ZNF738: variants seen among roughly 807,000 people sequenced by gnomAD.
ZNF738 encodes the protein zinc finger protein 738, also known as protein ZNF738.
ZNF738 carries 10 observed loss-of-function variants against 9.2 expected under a neutral mutation model. That is an observed-to-expected ratio of 1.09 (90% confidence interval 0.67 to 1.85). The LOEUF (loss-of-function observed/expected upper bound fraction) is 1.85, where lower values mean the gene tolerates loss of function less well. Ranked by LOEUF, ZNF738 falls within the 40% of genes most tolerant of loss-of-function variation. The probability of loss-of-function intolerance (pLI) is 0.00; values close to 1 mark genes in which losing one functional copy is unlikely to be tolerated. For synonymous variants in ZNF738, 113 were observed against 94.5 expected (o/e 1.20, Z -1.14); for missense variants, 346 against 283.6 (o/e 1.22, Z -1.58).
At chr19:21,361,533 ATC>A (rs1266516742) in intron 1 of ZNF738, among the ~76,000 whole-genome samples, 1 of 152,196 alleles carries the variant, frequency 6.6e-6, no homozygotes, top group African/African-American at 2.4e-5. Context: ...GTTGCAAAAA[ATC>A]TCTGTGTGTC....
chr19:21,381,487 A>T, intron 4 of ZNF738: 1 of 1,105,760 alleles, frequency 9.0e-7, no homozygotes, highest in Non-Finnish European at 1.4e-6. Flanking sequence ...GCTCAGGCTT[A>T]CCTTTTTCTT....
chr19:21,372,822 C>T (rs1464088041), intron 2 of ZNF738: 1 of 152,206 alleles, frequency 6.6e-6, no homozygotes, highest in Non-Finnish European at 1.5e-5. Flanking sequence ...GCTTAATAAA[C>T]ATTGCATTAG....
At chr19:21,373,991 C>G (rs1406436118) in intron 2 of ZNF738, among the ~76,000 whole-genome samples, 5 of 152,260 alleles carry the variant, frequency 3.3e-5, no homozygotes, top group African/African-American at 7.2e-5. Context: ...TCTACACTCT[C>G]TAAATCATGG....
intron 2 of ZNF738, among the ~76,000 whole-genome samples, chr19:21,369,098 T>G (rs1482289824): frequency 1.3e-5 from 2 of 152,078 alleles, no homozygotes; most frequent in Non-Finnish European, 2.9e-5. Context: ...TTTATTTTGA[T>G]TAAATCTTTA....
intron 4 of ZNF738, chr19:21,378,669 C>A: frequency 2.7e-6 from 1 of 371,344 alleles, no homozygotes; most frequent in Non-Finnish European, 5.6e-6. Flanking sequence ...AGTGAAATGG[C>A]GCGATTTCAC....
At position 21,375,507 on chromosome 19, in the gene ZNF738, T is replaced by C. The variant is rs540830314; in HGVS notation, c.223+143T>C. On this transcript the variant is annotated intron_variant, in intron 3 of 4. Coordinates refer to ENST00000683779, the MANE Select transcript of ZNF738 (RefSeq NM_001355237.2). ...TCAAAAAATTGCGAGGAATTATCCA[T>C]GCAGAAAAAAATTTCCTCAAGATGT... The C allele has an allele frequency of 6.0e-4, 319 of 528,966 alleles. 3 individuals carry two copies. In the South Asian group the frequency reaches 8.9e-3, roughly 15 times the overall value. The allele number at this position is 528,966 out of a possible 1,614,324, so 32.8% of individuals were successfully genotyped here.
chr19:21,378,888 C>G (rs950792921), intron 4 of ZNF738: 1 of 153,816 alleles, frequency 6.5e-6, no homozygotes. Flanking sequence ...CTTGAGCTAC[C>G]GCGCCCAGCC....
At position 21,383,300 on chromosome 19, in the gene ZNF738, A is replaced by G. The variant is rs1974028114; in HGVS notation, c.754A>G (p.Arg252Gly). Residue 252 changes from arginine (R) to glycine (G), a missense_variant, in exon 5 of 5, where the codon AGA becomes GGA. Coordinates refer to ENST00000683779, the MANE Select transcript of ZNF738 (RefSeq NM_001355237.2). ...KWFSTLTRHK[R>G]IHTGDKSYKH... Reference sequence around the variant, plus strand: ...GTTCTCAACCCTTACTAGACACAAGAGAATTCATACTGGAGACAAATCCTA... The same window carrying G: ...GTTCTCAACCCTTACTAGACACAAGGGAATTCATACTGGAGACAAATCCTA... 6.5e-7 allele frequency: 1 copy of G among 1,538,882 alleles called. No individual in the cohort carries two copies. Among genetic ancestry groups the G allele is most frequent in the East Asian group, 2.3e-5 (1 of 44,090 alleles).
intron 2 of ZNF738, among the ~76,000 whole-genome samples, chr19:21,364,316 A>C (rs1373093549): frequency 6.6e-6 from 1 of 152,048 alleles, no homozygotes; most frequent in African/African-American, 2.4e-5. Context: ...AGCCTACAAG[A>C]TTAGAAAGAA....
chr19:21,381,109 C>G (rs1490057548), intron 4 of ZNF738: 1 of 703,402 alleles, frequency 1.4e-6, no homozygotes, highest in African/African-American at 1.8e-5. Flanking sequence ...ACTTTATTTT[C>G]CTTACAAGGC....
At chr19:21,364,221 G>C (rs4315457) in intron 2 of ZNF738, among the ~76,000 whole-genome samples, 79,555 of 128,418 alleles carry the variant, frequency 0.62, 23,347 homozygotes, top group Middle Eastern at 0.77. Flanking sequence ...AATTCAAAAA[G>C]AGCATTGCAA....
At position 21,366,792 on chromosome 19, in the gene ZNF738, C is replaced by T. The variant is rs149655910; in HGVS notation, c.96+4934C>T. Among the ~76,000 whole-genome samples, 112 of 152,270 alleles carry T rather than the reference C, an allele frequency of 7.4e-4. 1 individual carries two copies. Among genetic ancestry groups the T allele is most frequent in the South Asian group, 2.5e-3 (12 of 4,816 alleles). On this transcript the variant is annotated intron_variant, in intron 2 of 4. Transcript: ENST00000683779. ...TGTTGCCATGGCATTTGTAACCTCT[C>T]ATGGCACTGGTGGGAGGGTAACGGA...
chr19:21,377,388 G>C (rs1468759014), intron 4 of ZNF738: 2 of 700,726 alleles, frequency 2.9e-6, no homozygotes, highest in Non-Finnish European at 5.2e-6. Flanking sequence ...TTTTATTACA[G>C]AAAGTGGGGT....
At chr19:21,378,199 T>A in intron 4 of ZNF738, 1 of 360,468 alleles carries the variant, frequency 2.8e-6, no homozygotes, top group Non-Finnish European at 4.9e-6. Context: ...TTATAATGAT[T>A]TCTATGCCTT....
chr19:21,362,790 C>A (rs1463647768), intron 2 of ZNF738, among the ~76,000 whole-genome samples: 2 of 152,118 alleles, frequency 1.3e-5, no homozygotes, highest in Admixed American at 1.3e-4. Flanking sequence ...TCAGGTGTAG[C>A]TTTTAATGGC....
At position 21,381,242 on chromosome 19, in the gene ZNF738, C is replaced by T; in HGVS notation, c.320-1624C>T. 3 of 1,576,164 alleles carry T rather than the reference C, an allele frequency of 1.9e-6. No individual in the cohort carries two copies. In the South Asian group the frequency reaches 3.4e-5, roughly 18 times the overall value. The stretch of plus-strand genomic sequence containing the variant: ...ATTTCAAATATTAAAGCTTTCTCTA[C>T]AGCCACACGTCCCTTTGATGTTTGG... On this transcript the variant is annotated intron_variant, in intron 4 of 4. Coordinates refer to ENST00000683779, the MANE Select transcript of ZNF738 (RefSeq NM_001355237.2).
At position 21,359,050 on chromosome 19, in the gene ZNF738, C is replaced by G. The variant is rs928858948; in HGVS notation, c.-91C>G. On this transcript the variant is annotated 5_prime_UTR_variant, in exon 1 of 5. Coordinates refer to ENST00000683779, the MANE Select transcript of ZNF738 (RefSeq NM_001355237.2). ...GGTCTCGTCTTCACTGCTCTGTGTCCTCTGCTCCTAGAGGCCCAGCCTCTG... is the reference window on the plus strand; with the variant it reads ...GGTCTCGTCTTCACTGCTCTGTGTCGTCTGCTCCTAGAGGCCCAGCCTCTG... 4 of 840,338 alleles carry G rather than the reference C, an allele frequency of 4.8e-6. No homozygotes were observed. In the African/African-American group the frequency reaches 6.7e-5, roughly 14 times the overall value. 52.1% of individuals were successfully genotyped at this position (840,338 alleles called of 1,614,324 possible).
intron 2 of ZNF738, among the ~76,000 whole-genome samples, chr19:21,371,791 T>C (rs1973859917): frequency 6.6e-6 from 1 of 152,154 alleles, no homozygotes; most frequent in South Asian, 2.1e-4. Flanking sequence ...TGTGTTTCTT[T>C]TACTTTTCTA....
In ZNF738 at chr19:21,385,377, A is replaced by G. The variant is rs978862263; in HGVS notation, c.*1703A>G. Among the ~76,000 whole-genome samples, 1 of 151,958 alleles carries G rather than the reference A, an allele frequency of 6.6e-6. No homozygotes were observed. Among genetic ancestry groups the G allele is most frequent in the African/African-American group, 2.4e-5 (1 of 41,346 alleles). On this transcript the variant is annotated 3_prime_UTR_variant, in exon 5 of 5. Transcript: ENST00000683779. ...AGGCCTAGGTGGGAGAATCGCTTGA[A>G]CCCAGGAGGTGGAGGTTGCAGTGAG...
Sources: allele counts gnomAD v4.1 joint callset (sites outside exome capture counted in the v4.1 genomes callset), GRCh38; gene constraint gnomAD v4.1.1; transcripts MANE v1.5; gene names NCBI Gene and HGNC (gene_info 2026-07-23, HGNC 2026-07-21).